Variants in PPP1R9A observed in about 807,000 individuals in gnomAD.
PPP1R9A encodes the protein neurabin-1.
Under a neutral mutation model 141.9 loss-of-function variants are expected in PPP1R9A, and 59 were observed. The observed-to-expected ratio is 0.42, with a 90% CI of 0.34 to 0.52. The LOEUF is 0.52. PPP1R9A is among the 20% of genes least tolerant of loss of function. PPP1R9A has a pLI of 0.10. For synonymous variants in PPP1R9A, 500 were observed against 569.7 expected (o/e 0.88, Z 1.74); for missense variants, 1,444 against 1,611.9 (o/e 0.90, Z 1.78).
rs922221102 is a variant in PPP1R9A, at chr7:95,286,540, G to A, written c.3729+215G>A. ...AGCTTTCCAGGGGCCCCTTTTACAC[G>A]TATATGTAAACACACATGATGGGGA... On this transcript the variant is annotated intron_variant, in intron 18 of 19. Coordinates refer to ENST00000433360, the MANE Select transcript of PPP1R9A (RefSeq NM_001166160.2). Among the ~76,000 whole-genome samples, 10 of 152,164 alleles carry A rather than the reference G, an allele frequency of 6.6e-5. No homozygotes were observed. In the South Asian group the frequency reaches 1.5e-3, roughly 22 times the overall value.
chr7:94,923,867 A>C (rs2150747166), intron 2 of PPP1R9A, among the ~76,000 whole-genome samples: 1 of 152,306 alleles, frequency 6.6e-6, no homozygotes. Context: ...GATTACTCTG[A>C]TCTTACAGTT....
At position 95,020,666 on chromosome 7, in the gene PPP1R9A, C is replaced by T. The variant is rs1315102575; in HGVS notation, c.1396-90593C>T. 2.0e-5 allele frequency among the ~76,000 whole-genome samples: 3 copies of T among 152,040 alleles called. No individual in the cohort carries two copies. In the East Asian group the frequency reaches 5.8e-4, roughly 29 times the overall value. ...AGGCCCCTTCTTGTGTCCATGTGTT[C>T]TCATTGTTCAGCTCCCACTTATGAG... On this transcript the variant is annotated intron_variant, in intron 2 of 19. Transcript: ENST00000433360.
At chr7:95,189,538 G>A (rs1835167441) in intron 5 of PPP1R9A, among the ~76,000 whole-genome samples, 4 of 143,094 alleles carry the variant, frequency 2.8e-5, no homozygotes, top group South Asian at 2.2e-4. Flanking sequence ...CCGGGTTCAC[G>A]CCATTCTCCT....
At chr7:95,103,431 G>T (rs1004224094) in intron 2 of PPP1R9A, among the ~76,000 whole-genome samples, 1 of 144,036 alleles carries the variant, frequency 6.9e-6, no homozygotes, top group South Asian at 2.2e-4. Context: ...GCAGTGGTGC[G>T]ATCTTGGCTC....
chr7:95,163,166 C>G (rs1202097493), intron 5 of PPP1R9A, among the ~76,000 whole-genome samples: 3 of 152,204 alleles, frequency 2.0e-5, no homozygotes, highest in African/African-American at 7.2e-5. Context: ...ATACATTCAA[C>G]TCATAAGAAC....
At chr7:95,168,122 A>G (rs931244490) in intron 5 of PPP1R9A, among the ~76,000 whole-genome samples, 3 of 152,182 alleles carry the variant, frequency 2.0e-5, no homozygotes, top group African/African-American at 4.8e-5. Flanking sequence ...TGGAGGCATC[A>G]CATTACCTGA....
intron 2 of PPP1R9A, among the ~76,000 whole-genome samples, chr7:94,951,649 TG>T (rs1031889070): frequency 6.6e-6 from 1 of 152,106 alleles, no homozygotes; most frequent in Non-Finnish European, 1.5e-5. Context: ...CGTCAATGGT[TG>T]TGAGTGAGAT....
chr7:95,007,476 T>C (rs1035541447), intron 2 of PPP1R9A, among the ~76,000 whole-genome samples: 3 of 152,114 alleles, frequency 2.0e-5, no homozygotes, highest in African/African-American at 2.4e-5. Context: ...GGCAAGAAGG[T>C]CTTTTGTGTT....
intron 7 of PPP1R9A, among the ~76,000 whole-genome samples, chr7:95,218,856 G>A (rs1793942875): frequency 2.0e-5 from 3 of 152,092 alleles, no homozygotes; most frequent in Admixed American, 2.0e-4. Flanking sequence ...TTGAGCCTAT[G>A]TGTGTCTCTG....
intron 2 of PPP1R9A, among the ~76,000 whole-genome samples, chr7:95,089,623 C>T (rs1489985701): frequency 2.6e-5 from 4 of 151,980 alleles, no homozygotes; most frequent in Admixed American, 6.6e-5. Context: ...CCACAGGGAG[C>T]GGAGTCCCAT....
Position 94,910,604 on chromosome 7 carries a change from A to G in PPP1R9A, c.491A>G (p.Glu164Gly). ...AACAACCGCTATTCCCCAAAGAAAG[A>G]GAAAGCTGGAGGGAGTGAACCTCAG... ...GQNNRYSPKK[E>G]KAGGSEPQDE... Residue 164 changes from glutamate (E) to glycine (G), a missense_variant, in exon 2 of 20, where the codon GAG becomes GGG. Glu to Gly is a moderately conservative substitution (Grantham distance 98). Around this residue, in one of 5 missense-constraint regions of PPP1R9A, gnomAD observed 490 missense variants for 521.1 expected, o/e 0.94. Transcript: ENST00000433360. The surrounding 1 kb of genome is among the most constrained non-coding windows in gnomAD (Gnocchi z 4.5). 5 of 1,614,202 alleles carry G rather than the reference A, an allele frequency of 3.1e-6. No homozygotes were observed. The highest frequency in any genetic ancestry group is 4.2e-6 in the Non-Finnish European group (5 of 1,180,038).
chr7:95,110,580 T>G (rs1035943195), intron 2 of PPP1R9A, among the ~76,000 whole-genome samples: 1 of 152,218 alleles, frequency 6.6e-6, no homozygotes, highest in Non-Finnish European at 1.5e-5. Flanking sequence ...ACAATCAAGT[T>G]TCTTATGGCT....
intron 13 of PPP1R9A, 60 bp from the exon 14 acceptor site, chr7:95,269,147 G>A: frequency 7.0e-7 from 1 of 1,425,530 alleles, no homozygotes; most frequent in Non-Finnish European, 9.5e-7. Flanking sequence ...TTCAAAGTAA[G>A]TATTGCATAG....
At chr7:95,116,049 T>C (rs1181249673) in intron 3 of PPP1R9A, among the ~76,000 whole-genome samples, 1 of 152,142 alleles carries the variant, frequency 6.6e-6, no homozygotes, top group African/African-American at 2.4e-5. Flanking sequence ...ATTTTTTAAA[T>C]TTCATGTCAA....
At chr7:95,099,022 TAC>T (rs1469770039) in intron 2 of PPP1R9A, among the ~76,000 whole-genome samples, 4 of 152,232 alleles carry the variant, frequency 2.6e-5, no homozygotes, top group African/African-American at 9.6e-5. Context: ...TGCACACACA[TAC>T]ACCTTGTATT....
chr7:95,139,833 A>G (rs1826326139), intron 4 of PPP1R9A, among the ~76,000 whole-genome samples: 1 of 151,776 alleles, frequency 6.6e-6, no homozygotes, highest in Non-Finnish European at 1.5e-5. Context: ...AAAAGAAAAA[A>G]AAAACCCTGA....
Position 95,228,845 on chromosome 7 carries a change from A to G in PPP1R9A, c.2112+2729A>G, listed in dbSNP as rs191406271. On this transcript the variant is annotated intron_variant, in intron 8 of 19. Coordinates refer to ENST00000433360, the MANE Select transcript of PPP1R9A (RefSeq NM_001166160.2). ...TTTTTCTCATCCTCCCTAAAATTTT[A>G]TCGTGCCCTTTATTCATTATATAAG... Among the ~76,000 whole-genome samples, 233 of 152,268 alleles carry G rather than the reference A, an allele frequency of 1.5e-3. 3 individuals are homozygous for G. Among genetic ancestry groups the G allele is most frequent in the African/African-American group, 5.5e-3 (229 of 41,568 alleles).
chr7:95,024,026 T>C (rs1273705193), intron 2 of PPP1R9A, among the ~76,000 whole-genome samples: 3 of 152,230 alleles, frequency 2.0e-5, no homozygotes, highest in African/African-American at 7.2e-5. Flanking sequence ...TTTTCTGCCC[T>C]AATTTCTTTG....
At chr7:94,932,287 G>T (rs1794252690) in intron 2 of PPP1R9A, among the ~76,000 whole-genome samples, 1 of 152,156 alleles carries the variant, frequency 6.6e-6, no homozygotes, top group Non-Finnish European at 1.5e-5. Context: ...TGTAAATTGT[G>T]TCAAAAAGAT....
Sources: allele counts gnomAD v4.1 joint callset (sites outside exome capture counted in the v4.1 genomes callset), GRCh38; gene constraint gnomAD v4.1.1; regional missense constraint gnomAD v4.1.1; non-coding constraint Gnocchi (gnomAD v3.1); transcripts MANE v1.5; gene names NCBI Gene and HGNC (gene_info 2026-07-23, HGNC 2026-07-21).